The following NIPA1 variants were observed in gnomAD, a reference collection of about 807,000 sequenced individuals.
NIPA1 encodes NIPA magnesium transporter 1.
A neutral mutation model predicts 23.9 loss-of-function variants in NIPA1; 13 were observed. The observed-to-expected ratio is 0.54, with a 90% confidence interval of 0.35 to 0.87. NIPA1 has a LOEUF of 0.87. NIPA1 is among the 40% of genes least tolerant of loss of function. The pLI, the probability that NIPA1 is intolerant of heterozygous loss-of-function variation, is 0.01. For synonymous variants in NIPA1, 234 were observed against 202.9 expected, an observed-to-expected ratio of 1.15 and a Z score of -1.30; for missense variants, 362 against 429.7, an observed-to-expected ratio of 0.84 and a Z score of 1.39.
At chr15:22,817,760 G>A (rs988542961) in intron 3 of NIPA1, among the ~76,000 whole-genome samples, 7 of 151,910 alleles carry the variant, frequency 4.6e-5, no homozygotes, top group African/African-American at 1.5e-4. Flanking sequence ...AGCTGAGATC[G>A]TGCCACTGCA....
In NIPA1 at chr15:22,788,329, ATC is replaced by A. The variant is rs537864578; in HGVS notation, c.178+1499_178+1500del. 2.8e-3 allele frequency among the ~76,000 whole-genome samples: 421 copies of A among 151,890 alleles called. 2 individuals are homozygous for A. The highest frequency in any genetic ancestry group is 8.9e-3 in the African/African-American group (369 of 41,416). Reference sequence around the variant, plus strand: ...ATCCTGGCTAACACGACGAAACCCCATCTCTACTAAAAATACAAAAAATTATC... The same window carrying A: ...ATCCTGGCTAACACGACGAAACCCCATCTACTAAAAATACAAAAAATTATC... On this transcript the variant is annotated intron_variant, in intron 1 of 4. Coordinates refer to ENST00000337435, the MANE Select transcript of NIPA1 (RefSeq NM_144599.5).
intron 1 of NIPA1, among the ~76,000 whole-genome samples, chr15:22,792,792 A>G (rs957799173): frequency 6.6e-6 from 1 of 151,912 alleles, no homozygotes; most frequent in Non-Finnish European, 1.5e-5. Flanking sequence ...CGTCTGTACT[A>G]AAAATACAGA....
chr15:22,798,006 G>T (rs573691323), intron 1 of NIPA1, among the ~76,000 whole-genome samples: 2 of 151,002 alleles, frequency 1.3e-5, no homozygotes, highest in Non-Finnish European at 3.0e-5. Context: ...CACTACGCCC[G>T]GCTAATTTCT....
intron 1 of NIPA1, among the ~76,000 whole-genome samples, chr15:22,805,409 G>A (rs867618548): frequency 3.4e-4 from 51 of 152,196 alleles, no homozygotes; most frequent in African/African-American, 7.9e-4. Context: ...CTGTAGGACC[G>A]GGCGCGGTGG....
chr15:22,811,995 C>G (rs1895326409), intron 2 of NIPA1, among the ~76,000 whole-genome samples, 168 bp from the exon 3 acceptor site: 1 of 152,212 alleles, frequency 6.6e-6, no homozygotes, highest in South Asian at 2.1e-4. Flanking sequence ...GGTGTGGTTC[C>G]TGACCCCTGA....
Position 22,805,344 on chromosome 15 carries a change from C to T in NIPA1, c.179-5405C>T, listed in dbSNP as rs1895185395. 4.6e-5 allele frequency among the ~76,000 whole-genome samples: 7 copies of T among 152,174 alleles called. No homozygotes were observed. The South Asian group carries it at 1.5e-3, about 32-fold the overall frequency. ...GAAGGCAGTTAATGCCTTCCTCTGG[C>T]TGTGCCGGTGTCAGGAAAGAATATT... On this transcript the variant is annotated intron_variant, in intron 1 of 4. Coordinates refer to ENST00000337435, the MANE Select transcript of NIPA1 (RefSeq NM_144599.5).
chr15:22,812,316 A>G, intron 3 of NIPA1, 63 bp downstream of exon 3: 1 of 1,247,736 alleles, frequency 8.0e-7, no homozygotes, highest in Non-Finnish European at 1.2e-6. Context: ...TTTTCATTTT[A>G]AATGTTTCTG....
intron 1 of NIPA1, among the ~76,000 whole-genome samples, chr15:22,797,808 A>G (rs1894972137): frequency 1.7e-5 from 1 of 60,400 alleles, no homozygotes; most frequent in Non-Finnish European, 2.6e-5. Flanking sequence ...TCCTGGCCAT[A>G]TATTTCTAGT....
chr15:22,820,450 T>C lies in NIPA1; in HGVS notation c.455T>C (p.Leu152Pro). 6.2e-7 allele frequency: 1 copy of C among 1,613,704 alleles called. No individual in the cohort carries two copies. Among genetic ancestry groups the C allele is most frequent in the African/African-American group, 1.3e-5 (1 of 75,040 alleles). The change falls in exon 4 of 5, where the codon CTG becomes CCG. Residue 152 changes from leucine (L) to proline (P), a missense_variant. Around this residue, in one of 2 missense-constraint regions of NIPA1, gnomAD observed 277 missense variants for 372.0 expected, o/e 0.74. Coordinates refer to ENST00000337435, the MANE Select transcript of NIPA1 (RefSeq NM_144599.5). ...GAGAGTGTGACAACTCAGGCTGAGC[T>C]GGAGGAAAAGCTGACCAATCCAGGT... ...KSESVTTQAE[L>P]EEKLTNPVFV...
At chr15:22,798,560 A>G (rs533307859) in intron 1 of NIPA1, among the ~76,000 whole-genome samples, 1 of 149,906 alleles carries the variant, frequency 6.7e-6, no homozygotes, top group African/African-American at 2.4e-5. Flanking sequence ...TCTTAAAAAA[A>G]AAAACCGGCA....
chr15:22,814,120 TG>T (rs1326797947), intron 3 of NIPA1: 1 of 1,271,278 alleles, frequency 7.9e-7, no homozygotes. Flanking sequence ...GATGGTGTTC[TG>T]GATAAAAAGC....
chr15:22,811,118 T>C, intron 2 of NIPA1: 1 of 358,340 alleles, frequency 2.8e-6, no homozygotes, highest in South Asian at 3.7e-5. Context: ...CAGCTCCTGC[T>C]TACTCATGTA....
Position 22,827,953 on chromosome 15 carries a change from C to G in NIPA1, c.*3714C>G, listed in dbSNP as rs1428621320. On this transcript the variant is annotated 3_prime_UTR_variant, in exon 5 of 5. Coordinates refer to ENST00000337435, the MANE Select transcript of NIPA1 (RefSeq NM_144599.5). ...AGGGGAGAGAGTACTCCGGTGGTTC[C>G]CAGAGCCCCTCCCGTTGTGCCGCTT... 6.6e-6 allele frequency: 1 copy of G among 152,102 alleles called. No individual in the cohort carries two copies. The highest frequency in any genetic ancestry group is 1.5e-5 in the Non-Finnish European group (1 of 68,032). 9.4% of individuals were successfully genotyped at this position (152,102 alleles called of 1,614,324 possible).
intron 1 of NIPA1, among the ~76,000 whole-genome samples, chr15:22,809,319 A>T (rs112228232): frequency 6.6e-6 from 1 of 151,898 alleles, no homozygotes; most frequent in Admixed American, 6.6e-5. Flanking sequence ...CCCAGGAGGC[A>T]GAGGTTGTAG....
At chr15:22,796,287 G>T (rs538519399) in intron 1 of NIPA1, among the ~76,000 whole-genome samples, 6 of 151,980 alleles carry the variant, frequency 3.9e-5, no homozygotes, top group African/African-American at 1.4e-4. Flanking sequence ...TCTGATGCTG[G>T]GCAAACAGAA....
chr15:22,824,550 A>C lies in NIPA1; in HGVS notation c.*311A>C. Reference sequence around the variant, plus strand: ...CTTTTAAAACATTTTAACATTATTTAAACAGAAAAAGATGGGCTCTTTCTG... The same window carrying C: ...CTTTTAAAACATTTTAACATTATTTCAACAGAAAAAGATGGGCTCTTTCTG... On this transcript the variant is annotated 3_prime_UTR_variant, in exon 5 of 5. Transcript: ENST00000337435. This position sits in a 1 kb window ranked among gnomAD's most constrained non-coding sequence, Gnocchi z 4.1. 1 of 356,130 alleles carries C rather than the reference A, an allele frequency of 2.8e-6. No homozygotes were observed. Among genetic ancestry groups the C allele is most frequent in the Non-Finnish European group, 5.3e-6 (1 of 189,578 alleles). The allele number at this position is 356,130 out of a possible 1,614,324, so 22.1% of individuals were successfully genotyped here.
chr15:22,807,782 T>TTGTGTGTGTGTGTGTG lies in NIPA1; in HGVS notation c.179-2960_179-2945dup, dbSNP rs71117484. Among the ~76,000 whole-genome samples, 236 of 145,928 alleles carry TTGTGTGTGTGTGTGTG rather than the reference T, an allele frequency of 1.6e-3. 3 individuals carry two copies. The highest frequency in any genetic ancestry group is 0.01 in the South Asian group (47 of 4,656). On this transcript the variant is annotated intron_variant, in intron 1 of 4. Transcript: ENST00000337435. ...TAATTTCCACAGAGTTTAAATTCACTTGTGTGTGTGTGTGTGTGTGTGATG... is the reference window on the plus strand; with the variant it reads ...TAATTTCCACAGAGTTTAAATTCACTTGTGTGTGTGTGTGTGTGTGTGTGTGTGTGTGTGTGTGATG...
Position 22,824,248 on chromosome 15 carries a change from A to G in NIPA1, c.*9A>G. 6.2e-7 allele frequency: 1 copy of G among 1,611,382 alleles called. No individual in the cohort carries two copies. The highest frequency in any genetic ancestry group is 1.1e-5 in the South Asian group (1 of 91,000). On this transcript the variant is annotated 3_prime_UTR_variant, in exon 5 of 5. Transcript: ENST00000337435. This position sits in a 1 kb window ranked among gnomAD's most constrained non-coding sequence, Gnocchi z 4.1. ...ATATGAAAACAGACTAGATTGCAAT[A>G]GGAGCTTGGATGGTTCGAGGAATAG...
chr15:22,790,986 AT>A (rs1350407082), intron 1 of NIPA1, among the ~76,000 whole-genome samples: 1 of 152,078 alleles, frequency 6.6e-6, no homozygotes, highest in Admixed American at 6.6e-5. Context: ...AATTTTTTAA[AT>A]TTTTGGATGG....
Sources: gnomAD v4.1 joint callset for allele counts (sites outside exome capture counted in the v4.1 genomes callset) on GRCh38, gnomAD v4.1.1 for gene constraint, gnomAD v4.1.1 regional missense constraint, Gnocchi (gnomAD v3.1) non-coding constraint, MANE v1.5 for transcripts, NCBI Gene and HGNC (gene_info 2026-07-23, HGNC 2026-07-21) for gene names.